The following CADM2 variants were observed in gnomAD, a reference collection of about 807,000 sequenced individuals.
CADM2 encodes the protein cell adhesion molecule 2.
CADM2 carries 12 observed loss-of-function variants against 49.8 expected under a neutral mutation model. The ratio of observed to expected loss-of-function variants is 0.24; its 90% CI spans 0.15 to 0.39. CADM2 has a LOEUF of 0.39. Among genes scored for constraint, CADM2 ranks in the 10% least tolerant of loss-of-function variants. CADM2 has a pLI of 1.00. For synonymous variants in CADM2, 214 were observed against 175.4 expected, an observed-to-expected ratio of 1.22 and a Z score of -1.74; for missense variants, 378 against 492.3, an observed-to-expected ratio of 0.77 and a Z score of 2.20.
intron 8 of CADM2, chr3:86,012,922 C>G: frequency 1.6e-6 from 1 of 621,444 alleles, no homozygotes; most frequent in Admixed American, 2.2e-5. Flanking sequence ...TTGCAGTGAG[C>G]CGAGATCGCG....
intron 1 of CADM2, among the ~76,000 whole-genome samples, chr3:85,368,521 A>AATATTAATAT (rs1386803884): frequency 6.6e-6 from 1 of 150,474 alleles, no homozygotes; most frequent in Non-Finnish European, 1.5e-5. Flanking sequence ...TATATACATG[A>AATATTAATAT]ATATTAATAT....
intron 1 of CADM2, among the ~76,000 whole-genome samples, chr3:85,659,462 A>G (rs1577035199): frequency 6.7e-6 from 1 of 148,236 alleles, no homozygotes; most frequent in African/African-American, 2.5e-5. Flanking sequence ...AACTAAAAGG[A>G]AAAAAAAAAG....
rs1403936543 is a variant in CADM2, at chr3:85,168,656, A to G, written c.61+208988A>G. 2.6e-5 allele frequency among the ~76,000 whole-genome samples: 4 copies of G among 152,282 alleles called. No homozygotes were observed. In the East Asian group the frequency reaches 7.7e-4, roughly 29 times the overall value. On this transcript the variant is annotated intron_variant, in intron 1 of 9. Coordinates refer to ENST00000383699, the MANE Select transcript of CADM2 (RefSeq NM_001167675.2). ...AATTTTATCTAATCTGTAATTTGCC[A>G]TGGTGATACTTTCACCCAAGCCAAT...
At chr3:85,086,112 A>G (rs1226033500) in intron 1 of CADM2, among the ~76,000 whole-genome samples, 1 of 152,210 alleles carries the variant, frequency 6.6e-6, no homozygotes, top group African/African-American at 2.4e-5. Flanking sequence ...GTTTTAAAGT[A>G]AGAAAAATAC....
intron 1 of CADM2, among the ~76,000 whole-genome samples, chr3:85,009,045 A>G (rs1015033364): frequency 6.6e-6 from 1 of 152,148 alleles, no homozygotes; most frequent in Non-Finnish European, 1.5e-5. Context: ...TTCCTAGTGT[A>G]TGTATAGTGA....
At chr3:85,382,755 TATA>T (rs2033975640) in intron 1 of CADM2, among the ~76,000 whole-genome samples, 1 of 152,172 alleles carries the variant, frequency 6.6e-6, no homozygotes, top group African/African-American at 2.4e-5. Flanking sequence ...GTTACTCAGC[TATA>T]ATAATACAAT....
intron 8 of CADM2, among the ~76,000 whole-genome samples, chr3:85,990,013 C>CAAAAAAAAAAAAAAAAAAAAAA (rs58178176): frequency 7.3e-4 from 7 of 9,638 alleles, no homozygotes; most frequent in Non-Finnish European, 9.1e-4. Context: ...ACTCCATGTC[C>CAAAAAAAAAAAAAAAAAAAAAA]AAAAAAAAAA....
chr3:85,487,769 C>T (rs759949523), intron 1 of CADM2, among the ~76,000 whole-genome samples: 13 of 150,434 alleles, frequency 8.6e-5, no homozygotes, highest in East Asian at 2.0e-4. Flanking sequence ...TGTGTGTGTG[C>T]GTGCGTGTGT....
intron 8 of CADM2, chr3:86,012,770 A>T (rs1731699017): frequency 3.1e-6 from 2 of 637,504 alleles, no homozygotes; most frequent in Non-Finnish European, 5.6e-6. Context: ...AGGTCAGCAG[A>T]TCGAGACCAT....
chr3:85,666,141 A>G (rs546294309), intron 1 of CADM2, among the ~76,000 whole-genome samples: 1 of 152,066 alleles, frequency 6.6e-6, no homozygotes, highest in Non-Finnish European at 1.5e-5. Context: ...CCCATTCACA[A>G]TTTCTACAAA....
Position 85,319,556 on chromosome 3 carries a change from A to G in CADM2, c.61+359888A>G, listed in dbSNP as rs35355937. 9.7e-3 allele frequency among the ~76,000 whole-genome samples: 1,484 copies of G among 152,352 alleles called. 11 individuals are homozygous for G. Among genetic ancestry groups the G allele is most frequent in the Non-Finnish European group, 0.015 (1,016 of 68,028 alleles). On this transcript the variant is annotated intron_variant, in intron 1 of 9. Coordinates refer to ENST00000383699, the MANE Select transcript of CADM2 (RefSeq NM_001167675.2). The stretch of plus-strand genomic sequence containing the variant: ...AGGGAATCAACCTAAATGCCCATCA[A>G]TGGCAGATCGGATAAAGAAAATGTG...
intron 1 of CADM2, among the ~76,000 whole-genome samples, chr3:85,292,130 G>T (rs955196647): frequency 1.4e-5 from 2 of 147,436 alleles, no homozygotes; most frequent in African/African-American, 5.1e-5. Context: ...AAAGGCAGGG[G>T]TTGCAATCCT....
At chr3:85,332,137 G>A (rs536712768) in intron 1 of CADM2, among the ~76,000 whole-genome samples, 64 of 152,076 alleles carry the variant, frequency 4.2e-4, no homozygotes, top group Middle Eastern at 3.4e-3. Context: ...TTGAGACAAC[G>A]GCTGAGAAGG....
intron 1 of CADM2, among the ~76,000 whole-genome samples, chr3:85,367,833 ATGTG>A (rs10547677): frequency 1.6e-3 from 234 of 147,334 alleles, no homozygotes; most frequent in East Asian, 3.1e-3. Flanking sequence ...ATACATATAT[ATGTG>A]TGTGTGTGTG....
At chr3:85,056,151 C>CACCTAGTCAGAATTTCAATCCCTGCAA (rs2036071225) in intron 1 of CADM2, among the ~76,000 whole-genome samples, 1 of 152,028 alleles carries the variant, frequency 6.6e-6, no homozygotes, top group Middle Eastern at 3.2e-3. Flanking sequence ...ATATCTAGCA[C>CACCTAGTCAGAATTTCAATCCCTGCAA]TTTCTCTTCT....
intron 7 of CADM2, among the ~76,000 whole-genome samples, chr3:85,945,650 G>C (rs1722582927): frequency 6.6e-6 from 1 of 152,022 alleles, no homozygotes; most frequent in Admixed American, 6.6e-5. Flanking sequence ...ATGTAATCCA[G>C]CATATAAACA....
At chr3:85,382,069 G>T (rs897405030) in intron 1 of CADM2, among the ~76,000 whole-genome samples, 1 of 151,958 alleles carries the variant, frequency 6.6e-6, no homozygotes, top group Non-Finnish European at 1.5e-5. Context: ...AAACACTGCA[G>T]TGTGACTATC....
chr3:85,020,784 G>C (rs569906617), intron 1 of CADM2, among the ~76,000 whole-genome samples: 378 of 151,328 alleles, frequency 2.5e-3, no homozygotes, highest in African/African-American at 8.0e-3. Flanking sequence ...TGTGTGTAGG[G>C]GGTGTGTGTG....
chr3:85,470,733 G>T (rs980970216), intron 1 of CADM2, among the ~76,000 whole-genome samples: 3 of 152,052 alleles, frequency 2.0e-5, no homozygotes, highest in African/African-American at 7.2e-5. Flanking sequence ...AGCTAGAGTG[G>T]CACAAACAGG....
Sources: allele counts gnomAD v4.1 joint callset (sites outside exome capture counted in the v4.1 genomes callset), GRCh38; gene constraint gnomAD v4.1.1; transcripts MANE v1.5; gene names NCBI Gene and HGNC (gene_info 2026-07-23, HGNC 2026-07-21).